NLGN1: variants seen among roughly 807,000 people sequenced by gnomAD.
NLGN1 encodes the protein neuroligin-1.
In NLGN1, 12 loss-of-function variants were observed where a neutral mutation model predicts 65.5. That is an observed-to-expected ratio of 0.18 (90% CI 0.12 to 0.30). NLGN1 has a LOEUF of 0.30. NLGN1 is among the 10% of genes least tolerant of loss of function. The probability of loss-of-function intolerance (pLI) is 1.00; values close to 1 mark genes in which losing one functional copy is unlikely to be tolerated. For synonymous variants in NLGN1, 350 were observed against 359.5 expected (o/e 0.97, Z 0.30); for missense variants, 750 against 1,007.1 (o/e 0.74, Z 3.46).
At chr3:173,880,923 C>T (rs575152622) in intron 4 of NLGN1, among the ~76,000 whole-genome samples, 32 of 152,200 alleles carry the variant, frequency 2.1e-4, no homozygotes, top group African/African-American at 7.7e-4. Context: ...ATGCAAAATT[C>T]TAAATCTTTT....
chr3:173,624,082 T>TAA (rs1389213149), intron 3 of NLGN1, among the ~76,000 whole-genome samples: 1 of 152,142 alleles, frequency 6.6e-6, no homozygotes, highest in African/African-American at 2.4e-5. Flanking sequence ...CAGCTGTTGA[T>TAA]AGAGTTCTTG....
intron 2 of NLGN1, among the ~76,000 whole-genome samples, chr3:173,555,088 T>C (rs1479534241): frequency 2.0e-5 from 3 of 152,192 alleles, no homozygotes; most frequent in Non-Finnish European, 4.4e-5. Context: ...TATTTGCCCA[T>C]TTTTATTGAG....
Position 173,449,026 on chromosome 3 carries a change from T to C in NLGN1, c.-321+13948T>C, listed in dbSNP as rs1720956122. Among the ~76,000 whole-genome samples, 4 of 152,324 alleles carry C rather than the reference T, an allele frequency of 2.6e-5. No individual in the cohort carries two copies. The South Asian group carries it at 8.3e-4, about 32-fold the overall frequency. On this transcript the variant is annotated intron_variant, in intron 2 of 6. Transcript: ENST00000457714. ...TTCAAAAAACCGGCTCCTGGATTCA[T>C]TGATTTTTTGAAGGGTTTTTTGTGT...
At chr3:173,735,032 T>C (rs1187936850) in intron 3 of NLGN1, among the ~76,000 whole-genome samples, 3 of 152,126 alleles carry the variant, frequency 2.0e-5, no homozygotes, top group African/African-American at 7.2e-5. Context: ...ATTTGTCAGT[T>C]ATAAATCCAG....
chr3:173,950,538 T>C (rs9869917), intron 4 of NLGN1, among the ~76,000 whole-genome samples: 49,361 of 151,970 alleles, frequency 0.32, 8,457 homozygotes, highest in African/African-American at 0.42. Flanking sequence ...AACAACTGGG[T>C]GTGGTGGCTC....
chr3:173,449,925 C>T (rs1003175767), intron 2 of NLGN1, among the ~76,000 whole-genome samples: 2 of 152,246 alleles, frequency 1.3e-5, no homozygotes, highest in African/African-American at 4.8e-5. Flanking sequence ...GTAGATCTTC[C>T]TCCATTCCTT....
intron 2 of NLGN1, among the ~76,000 whole-genome samples, chr3:173,548,620 G>C (rs1740315124): frequency 6.6e-6 from 1 of 151,842 alleles, no homozygotes; most frequent in South Asian, 2.1e-4. Flanking sequence ...ATTTTAGTTT[G>C]GTAATGAAGG....
At chr3:174,269,784 AC>A (rs1404387108) in intron 4 of NLGN1, among the ~76,000 whole-genome samples, 1 of 151,946 alleles carries the variant, frequency 6.6e-6, no homozygotes, top group Non-Finnish European at 1.5e-5. Context: ...GATAAGGGTT[AC>A]ATGTTTTACA....
intron 3 of NLGN1, among the ~76,000 whole-genome samples, chr3:173,720,944 AC>A (rs1170260081): frequency 6.6e-6 from 1 of 152,212 alleles, no homozygotes; most frequent in Non-Finnish European, 1.5e-5. Flanking sequence ...GAGGAAGACT[AC>A]CGTGGTCTTG....
intron 4 of NLGN1, among the ~76,000 whole-genome samples, chr3:173,818,892 G>GTTTTTTTTT (rs1224307666): frequency 4.7e-5 from 1 of 21,316 alleles, no homozygotes. Context: ...CCTTTGAATA[G>GTTTTTTTTT]TTCTTTTTTT....
intron 4 of NLGN1, among the ~76,000 whole-genome samples, chr3:174,160,755 T>TC (rs1456312929): frequency 6.6e-6 from 1 of 151,452 alleles, no homozygotes; most frequent in Non-Finnish European, 1.5e-5. Context: ...GTTTTATTCA[T>TC]CCCCCCAAGC....
chr3:173,627,401 T>C (rs1247623408), intron 3 of NLGN1, among the ~76,000 whole-genome samples: 1 of 151,548 alleles, frequency 6.6e-6, no homozygotes, highest in Non-Finnish European at 1.5e-5. Context: ...TTTTTTCCAT[T>C]ACACACACAC....
At chr3:173,700,521 G>C (rs1578018300) in intron 3 of NLGN1, among the ~76,000 whole-genome samples, 1 of 152,176 alleles carries the variant, frequency 6.6e-6, no homozygotes, top group South Asian at 2.1e-4. Context: ...TTCATAATGA[G>C]TTCCTTGTAT....
At chr3:174,106,384 T>A (rs1713807867) in intron 4 of NLGN1, among the ~76,000 whole-genome samples, 1 of 152,110 alleles carries the variant, frequency 6.6e-6, no homozygotes, top group Admixed American at 6.6e-5. Flanking sequence ...TTTTTGTATC[T>A]TGAAGCAAAA....
In NLGN1 at chr3:174,198,844, C is replaced by CTTTTT. The variant is rs56752477; in HGVS notation, c.647-76453_647-76449dup. 9.1e-3 allele frequency among the ~76,000 whole-genome samples: 905 copies of CTTTTT among 99,840 alleles called. 19 individuals carry two copies. The highest frequency in any genetic ancestry group is 0.013 in the Non-Finnish European group (669 of 53,296). The allele number at this position is 99,840 out of a possible 152,430, so 65.5% of individuals were successfully genotyped here. ...TTTGATCTGGCCTCATGACTAGATT[C>CTTTTT]TTTTTTTTTTTTTTTTTTTTTTGAG... On this transcript the variant is annotated intron_variant, in intron 4 of 6. Transcript: ENST00000457714.
chr3:173,862,295 G>A lies in NLGN1; in HGVS notation c.646+54463G>A, dbSNP rs180922918. Among the ~76,000 whole-genome samples the A allele has an allele frequency of 1.1e-4, 16 of 150,660 alleles. 1 individual carries two copies. Among genetic ancestry groups the A allele is most frequent in the East Asian group, 5.9e-4 (3 of 5,076 alleles). On this transcript the variant is annotated intron_variant, in intron 4 of 6. Transcript: ENST00000457714. ...GCCGAGGCGGGCGGATCACGAGGTC[G>A]GGAGATCGAGACCATCCCGGCTAAA...
chr3:173,475,671 C>A (rs1185383089), intron 2 of NLGN1, among the ~76,000 whole-genome samples: 2 of 152,136 alleles, frequency 1.3e-5, no homozygotes, highest in African/African-American at 4.8e-5. Context: ...ATATTTTTAG[C>A]AAGAGTTAAT....
chr3:173,511,546 T>C (rs781061908), intron 2 of NLGN1, among the ~76,000 whole-genome samples: 1 of 152,238 alleles, frequency 6.6e-6, no homozygotes, highest in Non-Finnish European at 1.5e-5. Context: ...TCAGTCATTA[T>C]TGCTTCAAAT....
intron 1 of NLGN1, among the ~76,000 whole-genome samples, chr3:173,434,139 T>C (rs1717678339): frequency 6.6e-6 from 1 of 152,180 alleles, no homozygotes; most frequent in Non-Finnish European, 1.5e-5. Flanking sequence ...AGGTGGGGAA[T>C]TAGAAAATTA....
Sources: gnomAD v4.1 joint callset for allele counts (sites outside exome capture counted in the v4.1 genomes callset) on GRCh38, gnomAD v4.1.1 for gene constraint, MANE v1.5 for transcripts, NCBI Gene and HGNC (gene_info 2026-07-23, HGNC 2026-07-21) for gene names.